Variants in BTF3 observed in about 807,000 individuals in gnomAD.
BTF3 encodes the protein transcription factor BTF3.
Under a neutral mutation model 23.9 loss-of-function variants are expected in BTF3, and 12 were observed. The ratio of observed to expected loss-of-function variants is 0.50; its 90% confidence interval spans 0.32 to 0.81. The LOEUF (loss-of-function observed/expected upper bound fraction) is 0.81. BTF3 is among the 40% of genes least tolerant of loss of function. The pLI is 0.03. For missense variants in BTF3, 215 were observed against 255.9 expected, an observed-to-expected ratio of 0.84 and a Z score of 1.09; for synonymous variants, 96 against 94.8, an observed-to-expected ratio of 1.01 and a Z score of -0.07.
chr5:73,499,357 G>A, intron 2 of BTF3, 155 bp downstream of exon 2: 2 of 789,720 alleles, frequency 2.5e-6, no homozygotes, highest in Non-Finnish European at 4.3e-6. Flanking sequence ...CGGGGGAGAC[G>A]AGGGTTGGAG....
intron 2 of BTF3, among the ~76,000 whole-genome samples, chr5:73,502,228 T>G (rs7735614): frequency 0.18 from 26,798 of 151,558 alleles, 3,998 homozygotes; most frequent in East Asian, 0.52. Context: ...AATGCTTAAT[T>G]TAGATTGACA....
chr5:73,499,291 C>T (rs528584760), intron 2 of BTF3, 89 bp downstream of exon 2: 3 of 1,392,260 alleles, frequency 2.2e-6, no homozygotes, highest in African/African-American at 1.4e-5. Context: ...CTTATATTAT[C>T]GGTGACAAAC....
intron 2 of BTF3, among the ~76,000 whole-genome samples, chr5:73,501,767 C>CT (rs1006575111): frequency 6.6e-6 from 1 of 152,140 alleles, no homozygotes; most frequent in African/African-American, 2.4e-5. Flanking sequence ...GGGCTTCAGA[C>CT]TTTACTATCG....
chr5:73,499,670 G>A (rs942919787), intron 2 of BTF3: 8 of 222,032 alleles, frequency 3.6e-5, no homozygotes, highest in Non-Finnish European at 7.3e-5. Context: ...ACATTTTGGA[G>A]TTTAAGAGCA....
chr5:73,504,234 T>A (rs1361022475), intron 4 of BTF3, 113 bp from the exon 5 acceptor site: 2 of 705,298 alleles, frequency 2.8e-6, no homozygotes, highest in South Asian at 2.3e-5. Context: ...ATCATGGAAA[T>A]AAGTTGTAAC....
At chr5:73,501,420 T>C (rs1307364281) in intron 2 of BTF3, among the ~76,000 whole-genome samples, 2 of 152,174 alleles carry the variant, frequency 1.3e-5, no homozygotes, top group African/African-American at 4.8e-5. Context: ...AATGTATTTA[T>C]CTCTTATAGT....
rs369855040 is a variant in BTF3, at chr5:73,505,208, T to C, written c.591T>C (p.Phe197=). 1.2e-6 allele frequency: 2 copies of C among 1,610,202 alleles called. No homozygotes were observed. The highest frequency in any genetic ancestry group is 1.7e-6 in the Non-Finnish European group (2 of 1,179,406). ...TTTTCCTAGATCTTGTGGAGAATTTTGATGAGGCTTCCAAGAATGAGGCAA... is the reference window on the plus strand; with the variant it reads ...TTTTCCTAGATCTTGTGGAGAATTTCGATGAGGCTTCCAAGAATGAGGCAA... ...DDEVPDLVEN[F]DEASKNEAN The change falls in exon 6 of 6, where the codon TTT becomes TTC. Residue 197 remains phenylalanine, a synonymous_variant. Transcript: ENST00000380591.
rs571833294 is a variant in BTF3 at position 73,499,036 on chromosome 5, A to C, written c.133-98A>C. 558 of 1,375,844 alleles carry C rather than the reference A, an allele frequency of 4.1e-4. 2 individuals are homozygous for C. In the Middle Eastern group the frequency reaches 4.5e-3, roughly 11 times the overall value. The allele number at this position is 1,375,844 out of a possible 1,614,324, so 85.2% of individuals were successfully genotyped here. On this transcript the variant is annotated intron_variant, in intron 1 of 5. Transcript: ENST00000380591. ...TTGGGATCCAGGTTTCGGCCTGTGT[A>C]GGACGTTTATTTTCCTGCTGGTATC...
chr5:73,505,411 A>G lies in BTF3; in HGVS notation c.*173A>G. 3 of 533,864 alleles carry G rather than the reference A, an allele frequency of 5.6e-6. No individual in the cohort carries two copies. In the South Asian group the frequency reaches 8.2e-5, roughly 15 times the overall value. The allele number at this position is 533,864 out of a possible 1,614,324, so 33.1% of individuals were successfully genotyped here. A position where few individuals can be genotyped will look rare whatever the true frequency, so the allele number is the denominator to read the frequency against. ...AGCTCTTTTCAGTTTTTGCTTATAC[A>G]CAATTCATTCTTTGCAGCTAATTAA... On this transcript the variant is annotated 3_prime_UTR_variant, in exon 6 of 6. Coordinates refer to ENST00000380591, the MANE Select transcript of BTF3 (RefSeq NM_001037637.2).
chr5:73,501,976 T>C (rs1746446612), intron 2 of BTF3, among the ~76,000 whole-genome samples: 1 of 152,074 alleles, frequency 6.6e-6, no homozygotes, highest in Non-Finnish European at 1.5e-5. Context: ...GAGACCAGCC[T>C]GGCCAACATG....
At chr5:73,504,768 T>G (rs1425965085) in intron 5 of BTF3, 1 of 217,802 alleles carries the variant, frequency 4.6e-6, no homozygotes, top group Non-Finnish European at 8.9e-6. Flanking sequence ...TCTTGGGATA[T>G]ATATATGCAT....
chr5:73,499,071 AACG>A (rs1746369473), intron 1 of BTF3, 60 bp from the exon 2 acceptor site: 1 of 1,488,274 alleles, frequency 6.7e-7, no homozygotes, highest in African/African-American at 1.4e-5. Flanking sequence ...CTTGGGAAAT[AACG>A]AGCATGGAAT....
rs768814807 is a variant in BTF3, at chr5:73,503,032, A to G, written c.432A>G (p.Thr144=). ...GCCATGCTGAGACAAAGCAGCTGAC[A>G]GAAATGCTACCCAGCATCTTAAACC... ...ITGHAETKQL[T]EMLPSILNQL... Residue 144 remains threonine, a synonymous_variant, in exon 4 of 6, where the codon ACA becomes ACG. Transcript: ENST00000380591. 1.4e-5 allele frequency: 22 copies of G among 1,614,062 alleles called. No homozygotes were observed. The highest frequency in any genetic ancestry group is 1.9e-5 in the Non-Finnish European group (22 of 1,179,940).
At chr5:73,502,657 G>A (rs545717444) in intron 3 of BTF3, 56 bp downstream of exon 3, 103 of 1,285,596 alleles carry the variant, frequency 8.0e-5, no homozygotes, top group Non-Finnish European at 1.0e-4. Flanking sequence ...AAAAGTTAAC[G>A]TTAATGCATT....
chr5:73,499,772 A>T (rs1746389128), intron 2 of BTF3: 1 of 164,698 alleles, frequency 6.1e-6, no homozygotes, highest in Non-Finnish European at 1.3e-5. Flanking sequence ...AAAGTGACTG[A>T]TTTTTAAATG....
intron 2 of BTF3, chr5:73,499,415 TTG>T: frequency 1.5e-6 from 1 of 665,572 alleles, no homozygotes; most frequent in Non-Finnish European, 2.7e-6. Context: ...GTAAACATGT[TTG>T]TGTTTTCAGT....
chr5:73,503,056 C>G lies in BTF3; in HGVS notation c.456C>G (p.Asn152Lys). 6.2e-7 allele frequency: 1 copy of G among 1,614,050 alleles called. No homozygotes were observed. Among genetic ancestry groups the G allele is most frequent in the Non-Finnish European group, 8.5e-7 (1 of 1,179,960 alleles). ...QLTEMLPSIL[N>K]QLGADSLTSL... ...CAGAAATGCTACCCAGCATCTTAAA[C>G]CAGCTTGGTGCGGATAGTCTGACTA... Residue 152 changes from asparagine to lysine, a missense_variant, in exon 4 of 6, where the codon AAC becomes AAG. Transcript: ENST00000380591.
rs1746460203 is a variant in BTF3, at chr5:73,502,467, TC to T, written c.202-19del. 1 of 1,550,388 alleles carries T rather than the reference TC, an allele frequency of 6.4e-7. No individual in the cohort carries two copies. The highest frequency in any genetic ancestry group is 8.7e-7 in the Non-Finnish European group (1 of 1,146,192). ...TGTGGTATAAATGTGCTGTTTTCTT[TC>T]CTCTTCTCCCTGACTTTAGGGAACT... On this transcript the variant is annotated intron_variant, in intron 2 of 5. Transcript: ENST00000380591.
intron 5 of BTF3, chr5:73,504,685 C>G (rs1746516587): frequency 4.3e-6 from 1 of 234,428 alleles, no homozygotes; most frequent in Non-Finnish European, 8.1e-6. Flanking sequence ...CTATTACCTG[C>G]AGAGCACTAA....
Sources: allele counts gnomAD v4.1 joint callset (sites outside exome capture counted in the v4.1 genomes callset), GRCh38; gene constraint gnomAD v4.1.1; transcripts MANE v1.5; gene names NCBI Gene and HGNC (gene_info 2026-07-23, HGNC 2026-07-21).